The following DNAH3 variants were observed in gnomAD, a reference collection of about 807,000 sequenced individuals.
DNAH3 encodes the protein dynein axonemal heavy chain 3, also known as axonemal beta dynein heavy chain 3.
DNAH3 carries 332 observed loss-of-function variants against 432.5 expected under a neutral mutation model. The observed-to-expected ratio is 0.77, with a 90% CI of 0.70 to 0.84. DNAH3 has a LOEUF of 0.84. Among genes scored for constraint, DNAH3 ranks in the 40% least tolerant of loss-of-function variants. The probability of loss-of-function intolerance (pLI) is 0.00; values close to 1 mark genes in which losing one functional copy is unlikely to be tolerated. For missense variants in DNAH3, 4,861 were observed against 5,114.0 expected, an observed-to-expected ratio of 0.95 and a Z score of 1.51; for synonymous variants, 1,956 against 1,900.2, an observed-to-expected ratio of 1.03 and a Z score of -0.76.
intron 20 of DNAH3, among the ~76,000 whole-genome samples, chr16:21,078,601 T>G (rs997671032): frequency 6.6e-6 from 1 of 152,188 alleles, no homozygotes; most frequent in Admixed American, 6.5e-5. Flanking sequence ...GCCAAGTCAC[T>G]TGACAGGCCT....
chr16:20,965,370 T>C (rs1237516654), exon 53 of DNAH3: 2 of 1,543,914 alleles, frequency 1.3e-6, no homozygotes, highest in Admixed American at 4.2e-5. Flanking sequence ...TCTCCAAGAA[T>C]TTCAGATCCC....
At chr16:21,014,281 G>T (rs1383740425) in intron 41 of DNAH3, among the ~76,000 whole-genome samples, 1 of 152,050 alleles carries the variant, frequency 6.6e-6, no homozygotes, top group Admixed American at 6.6e-5. Context: ...TTATTCCAAG[G>T]TATATAAGTC....
At chr16:20,964,938 G>A (rs751312562) in exon 53 of DNAH3, 25 of 1,613,928 alleles carry the variant, frequency 1.5e-5, no homozygotes, top group South Asian at 8.8e-5. Flanking sequence ...GGGCAGCTTC[G>A]GTCCATCTGT....
intron 41 of DNAH3, among the ~76,000 whole-genome samples, chr16:21,011,281 A>G (rs1348146445): frequency 6.6e-6 from 1 of 152,174 alleles, no homozygotes; most frequent in Non-Finnish European, 1.5e-5. Flanking sequence ...GGAGCCTGTG[A>G]AAAAAATATT....
In DNAH3 at chr16:21,062,864, T is replaced by C. The variant is rs1027540402; in HGVS notation, c.3519-181A>G. ...GGGGCATGGAAGGTGGAGTTTTGCT[T>C]TTCTTAAGAGATGAGGTCTTGCCAT... On this transcript the variant is annotated intron_variant, in intron 24 of 61. Coordinates refer to ENST00000261383, the Ensembl canonical transcript of DNAH3. 5.2e-5 allele frequency: 31 copies of C among 598,194 alleles called. No individual in the cohort carries two copies. In the East Asian group the frequency reaches 8.2e-4, roughly 16 times the overall value. The allele number at this position is 598,194 out of a possible 1,614,324, so 37.1% of individuals were successfully genotyped here. A position where few individuals can be genotyped will look rare whatever the true frequency, so the allele number is the denominator to read the frequency against.
intron 22 of DNAH3, 118 bp downstream of exon 22, chr16:21,070,592 T>A: frequency 1.5e-6 from 1 of 685,882 alleles, no homozygotes; most frequent in South Asian, 1.7e-5. Flanking sequence ...ATTTATTTAT[T>A]TTTCCAATTA....
chr16:21,140,852 T>C lies in DNAH3; in HGVS notation c.522-142A>G, dbSNP rs1241390196. On this transcript the variant is annotated intron_variant, in intron 4 of 61. Coordinates refer to ENST00000261383, the Ensembl canonical transcript of DNAH3. ...TGTGTCATCTAATGGCATGTGTGTA[T>C]ACTTCCAAGATGACCCTAATGACTG... 9 of 682,592 alleles carry C rather than the reference T, an allele frequency of 1.3e-5. No homozygotes were observed. In the East Asian group the frequency reaches 2.4e-4, roughly 18 times the overall value. 42.3% of individuals were successfully genotyped at this position (682,592 alleles called of 1,614,324 possible).
At chr16:21,053,497 ATGCT>A (rs1035705945) in intron 28 of DNAH3, among the ~76,000 whole-genome samples, 1 of 152,184 alleles carries the variant, frequency 6.6e-6, no homozygotes, top group Admixed American at 6.5e-5. Context: ...GCATACATGC[ATGCT>A]TGTGTTTGTG....
chr16:21,058,973 C>T (rs1431612596), intron 26 of DNAH3, among the ~76,000 whole-genome samples: 1 of 151,876 alleles, frequency 6.6e-6, no homozygotes, highest in African/African-American at 2.4e-5. Flanking sequence ...CCTGCATGTT[C>T]TGCACATGTA....
chr16:21,153,737 A>G (rs562405042), intron 1 of DNAH3, among the ~76,000 whole-genome samples: 2 of 152,182 alleles, frequency 1.3e-5, no homozygotes, highest in South Asian at 2.1e-4. Flanking sequence ...CAAACTCCAG[A>G]CGCGCTACCT....
intron 34 of DNAH3, among the ~76,000 whole-genome samples, chr16:21,037,310 AAAAAC>A (rs146050014): frequency 0.057 from 8,649 of 152,160 alleles, 679 homozygotes; most frequent in African/African-American, 0.16. Flanking sequence ...CTCCATCTCA[AAAAAC>A]AAAACAAAAA....
At chr16:21,075,408 G>T (rs770641171) in intron 21 of DNAH3, 39 bp downstream of exon 21, 25 of 1,350,828 alleles carry the variant, frequency 1.9e-5, no homozygotes, top group Non-Finnish European at 2.4e-5. Flanking sequence ...AATAAATGGG[G>T]CTGCTTTCAA....
intron 47 of DNAH3, among the ~76,000 whole-genome samples, chr16:20,986,509 AAAAT>A (rs1043917494): frequency 1.3e-5 from 2 of 151,706 alleles, no homozygotes; most frequent in African/African-American, 4.9e-5. Flanking sequence ...CCTACCTCTA[AAAAT>A]AAATATTTTT....
At chr16:21,149,537 C>T (rs555954855) in intron 1 of DNAH3, among the ~76,000 whole-genome samples, 29 of 152,268 alleles carry the variant, frequency 1.9e-4, no homozygotes, top group African/African-American at 6.7e-4. Context: ...CCCAAATGCT[C>T]GTCTGAGGAC....
intron 21 of DNAH3, 136 bp downstream of exon 21, chr16:21,075,311 C>T: frequency 1.5e-6 from 1 of 677,832 alleles, no homozygotes; most frequent in East Asian, 2.7e-5. Context: ...GAAAGGCAGA[C>T]AGTAGGAAAC....
At chr16:21,023,786 G>GTGT (rs1567654144) in intron 39 of DNAH3, among the ~76,000 whole-genome samples, 8 of 146,484 alleles carry the variant, frequency 5.5e-5, no homozygotes, top group African/African-American at 2.0e-4. Context: ...CAGCTTTTGG[G>GTGT]GTGTGTGTGT....
intron 50 of DNAH3, among the ~76,000 whole-genome samples, chr16:20,976,576 C>A (rs2085600362): frequency 6.6e-6 from 1 of 152,208 alleles, no homozygotes; most frequent in Admixed American, 6.6e-5. Context: ...TTCAAGGCTA[C>A]TTTTTCCAAT....
rs574017263 is a variant in DNAH3 at position 21,125,416 on chromosome 16, C to T, written c.1209-46G>A. On this transcript the variant is annotated intron_variant, in intron 8 of 61. Transcript: ENST00000261383. ...CCATGTGAGAAGCTCTTCTGGGCTCCGAGGAACCCACTTGCCGTGCCCCCT... is the reference window on the plus strand; with the variant it reads ...CCATGTGAGAAGCTCTTCTGGGCTCTGAGGAACCCACTTGCCGTGCCCCCT... 1.8e-5 allele frequency: 27 copies of T among 1,490,698 alleles called. No individual in the cohort carries two copies. In the East Asian group the frequency reaches 2.4e-4, roughly 13 times the overall value. 92.3% of individuals were successfully genotyped at this position (1,490,698 alleles called of 1,614,324 possible).
intron 47 of DNAH3, 91 bp from the exon 48 acceptor site, chr16:20,985,806 G>T: frequency 7.6e-7 from 1 of 1,313,288 alleles, no homozygotes; most frequent in Non-Finnish European, 1.1e-6. Flanking sequence ...GGGAGACGTG[G>T]CTTATTTCCT....
Sources: gnomAD v4.1 joint callset for allele counts (sites outside exome capture counted in the v4.1 genomes callset) on GRCh38, gnomAD v4.1.1 for gene constraint, MANE v1.5 for transcripts, NCBI Gene and HGNC (gene_info 2026-07-23, HGNC 2026-07-21) for gene names.